The following SPPL2A variants were observed in gnomAD, a reference collection of about 807,000 sequenced individuals.
SPPL2A encodes signal peptide peptidase like 2A.
Under a neutral mutation model 63.8 loss-of-function variants are expected in SPPL2A, and 51 were observed. The ratio of observed to expected loss-of-function variants is 0.80; its 90% CI spans 0.64 to 1.01. SPPL2A has a LOEUF of 1.01. Among genes scored for constraint, SPPL2A ranks in the 50% least tolerant of loss-of-function variants. The probability of loss-of-function intolerance (pLI) is 0.00; values close to 1 mark genes in which losing one functional copy is unlikely to be tolerated. For synonymous variants in SPPL2A, 188 were observed against 205.8 expected (o/e 0.91, Z 0.74); for missense variants, 553 against 622.7 (o/e 0.89, Z 1.19).
At chr15:50,739,533 C>T (rs2062800831) in intron 6 of SPPL2A, 147 bp downstream of exon 6, 2 of 495,798 alleles carry the variant, frequency 4.0e-6, no homozygotes, top group Non-Finnish European at 6.8e-6. Context: ...AGACCTAACA[C>T]TCTGATAATT....
At chr15:50,742,529 T>C (rs960662821) in intron 5 of SPPL2A, among the ~76,000 whole-genome samples, 1 of 152,218 alleles carries the variant, frequency 6.6e-6, no homozygotes, top group South Asian at 2.1e-4. Context: ...ACATTTTCCC[T>C]TCCCTAAGCC....
At chr15:50,722,737 G>A (rs1213391304) in intron 12 of SPPL2A, among the ~76,000 whole-genome samples, 1 of 152,150 alleles carries the variant, frequency 6.6e-6, no homozygotes, top group Non-Finnish European at 1.5e-5. Flanking sequence ...TTACAGGCAT[G>A]AGCCACCAAG....
At chr15:50,707,999 T>G in intron 14 of SPPL2A, 125 bp from the exon 15 acceptor site, 1 of 647,742 alleles carries the variant, frequency 1.5e-6, no homozygotes, top group Non-Finnish European at 2.8e-6. Context: ...GCACTCCTTC[T>G]GGAGCACTGT....
chr15:50,760,154 C>T (rs1323018649), intron 1 of SPPL2A, among the ~76,000 whole-genome samples: 3 of 152,102 alleles, frequency 2.0e-5, no homozygotes, highest in Non-Finnish European at 4.4e-5. Context: ...GGATCAGGTG[C>T]CAGTTGGGCC....
At chr15:50,716,948 G>A (rs1291959519) in intron 14 of SPPL2A, among the ~76,000 whole-genome samples, 1 of 152,138 alleles carries the variant, frequency 6.6e-6, no homozygotes, top group Non-Finnish European at 1.5e-5. Context: ...CTTCTGAAAT[G>A]TTCAAGACTG....
intron 14 of SPPL2A, among the ~76,000 whole-genome samples, chr15:50,718,593 C>G (rs2062618805): frequency 6.6e-6 from 1 of 152,062 alleles, no homozygotes; most frequent in African/African-American, 2.4e-5. Flanking sequence ...TAAACTAATT[C>G]TATGTATAAC....
At chr15:50,715,000 G>A (rs2062590440) in intron 14 of SPPL2A, among the ~76,000 whole-genome samples, 1 of 149,728 alleles carries the variant, frequency 6.7e-6, no homozygotes, top group Non-Finnish European at 1.5e-5. Context: ...TTTTTTTGGT[G>A]TTTTTTTTTG....
chr15:50,705,389 A>C lies in SPPL2A; in HGVS notation c.*2411T>G, dbSNP rs781199578. 6.6e-6 allele frequency: 1 copy of C among 152,178 alleles called. No individual in the cohort carries two copies. The highest frequency in any genetic ancestry group is 1.5e-5 in the Non-Finnish European group (1 of 68,040). The allele number at this position is 152,178 out of a possible 1,614,324, so 9.4% of individuals were successfully genotyped here. Reference sequence around the variant, plus strand: ...TATCTCATTTCGATGTAGTAAAAAAAAAATTTTCTTTAACATTCTTCATAA... The same window carrying C: ...TATCTCATTTCGATGTAGTAAAAAACAAATTTTCTTTAACATTCTTCATAA... On this transcript the variant is annotated 3_prime_UTR_variant, in exon 15 of 15. Coordinates refer to ENST00000261854, the MANE Select transcript of SPPL2A (RefSeq NM_032802.4).
At chr15:50,747,920 T>C (rs1272698825) in intron 4 of SPPL2A, 193 bp downstream of exon 4, 2 of 459,600 alleles carry the variant, frequency 4.4e-6, no homozygotes, top group Non-Finnish European at 3.9e-6. Context: ...ACAAACATCC[T>C]TTCTAAAGTT....
Position 50,747,474 on chromosome 15 carries a change from G to A in SPPL2A, c.584+21C>T, listed in dbSNP as rs529693025. The stretch of plus-strand genomic sequence containing the variant: ...ATTTTTAACCATTTATTACAAAAAC[G>A]CTTAAGTTAATTAAACTTACAATTC... On this transcript the variant is annotated intron_variant, in intron 5 of 14. Coordinates refer to ENST00000261854, the MANE Select transcript of SPPL2A (RefSeq NM_032802.4). 12 of 1,578,916 alleles carry A rather than the reference G, an allele frequency of 7.6e-6. No homozygotes were observed. In the Admixed American group the frequency reaches 7.8e-5, roughly 10 times the overall value.
At position 50,739,824 on chromosome 15, in the gene SPPL2A, T is replaced by C; in HGVS notation, c.589A>G (p.Asn197Asp). 3.8e-6 allele frequency: 6 copies of C among 1,599,164 alleles called. No individual in the cohort carries two copies. The highest frequency in any genetic ancestry group is 5.1e-6 in the Non-Finnish European group (6 of 1,176,246). ...TCTTCAGTTGTCACTGCTTTCAAGT[T>C]TTCCCTGTACAAACACACAGGAACT... ...GYWSGLVELE[N>D]LKAVTTEDRE... Residue 197 changes from asparagine to aspartate, a missense_variant, in exon 6 of 15, where the codon AAC becomes GAC. Physicochemically the swap from Asn to Asp is conservative, Grantham distance 23. Coordinates refer to ENST00000261854, the MANE Select transcript of SPPL2A (RefSeq NM_032802.4).
intron 1 of SPPL2A, among the ~76,000 whole-genome samples, chr15:50,757,016 C>T (rs182439748): frequency 6.0e-4 from 92 of 152,218 alleles, no homozygotes; most frequent in African/African-American, 2.1e-3. Flanking sequence ...TTCTACAATA[C>T]TGGCATGGGT....
chr15:50,724,395 T>C (rs527834217), intron 12 of SPPL2A, among the ~76,000 whole-genome samples: 1 of 152,078 alleles, frequency 6.6e-6, no homozygotes, highest in South Asian at 2.1e-4. Context: ...GCTAACACGG[T>C]GAAACCCAGT....
chr15:50,706,246 C>T lies in SPPL2A; in HGVS notation c.*1554G>A, dbSNP rs1270628146. 4.0e-5 allele frequency: 6 copies of T among 151,260 alleles called. No individual in the cohort carries two copies. The highest frequency in any genetic ancestry group is 7.4e-5 in the Non-Finnish European group (5 of 67,796). The allele number at this position is 151,260 out of a possible 1,614,324, so 9.4% of individuals were successfully genotyped here. Reference sequence around the variant, plus strand: ...CTCTACTAAAACTACAAAAAATAGCCGGGCGTAGTGGCGGGCGCCTGTAGT... The same window carrying T: ...CTCTACTAAAACTACAAAAAATAGCTGGGCGTAGTGGCGGGCGCCTGTAGT... On this transcript the variant is annotated 3_prime_UTR_variant, in exon 15 of 15. Transcript: ENST00000261854.
At chr15:50,736,590 T>C (rs1402536026) in intron 7 of SPPL2A, 54 bp downstream of exon 7, 1 of 1,028,558 alleles carries the variant, frequency 9.7e-7, no homozygotes, top group Non-Finnish European at 1.5e-6. Context: ...TACTTTTGTA[T>C]TGTTTCAAAT....
At chr15:50,752,712 C>T (rs2062920026) in intron 1 of SPPL2A, among the ~76,000 whole-genome samples, 1 of 147,802 alleles carries the variant, frequency 6.8e-6, no homozygotes, top group African/African-American at 2.5e-5. Flanking sequence ...AGCAAGACTC[C>T]ATCTGAAAAA....
chr15:50,748,149 T>C lies in SPPL2A; in HGVS notation c.414A>G (p.Ala138=). The change falls in exon 4 of 15, where the codon GCA becomes GCG. Residue 138 remains alanine, a synonymous_variant. Transcript: ENST00000261854. ...SEFPDVKILI[A]FISYKDFRDM... ...CTCTAAAGTCTTTGTAGCTTATAAA[T>C]GCAATCAGTATTTTCACATCAGGAA... 1 of 1,511,870 alleles carries C rather than the reference T, an allele frequency of 6.6e-7. No individual in the cohort carries two copies. Among genetic ancestry groups the C allele is most frequent in the Non-Finnish European group, 8.9e-7 (1 of 1,128,622 alleles). 93.7% of individuals were successfully genotyped at this position (1,511,870 alleles called of 1,614,324 possible).
chr15:50,750,351 A>T (rs1276403386), intron 1 of SPPL2A, among the ~76,000 whole-genome samples: 1 of 152,092 alleles, frequency 6.6e-6, no homozygotes, highest in Non-Finnish European at 1.5e-5. Flanking sequence ...AACTGCTGGG[A>T]TTATAGGTGT....
At chr15:50,749,428 C>G (rs561611605) in intron 2 of SPPL2A, among the ~76,000 whole-genome samples, 1 of 152,154 alleles carries the variant, frequency 6.6e-6, no homozygotes, top group Non-Finnish European at 1.5e-5. Flanking sequence ...GCTGGGACTA[C>G]AGGCGCCTGC....
Sources: allele counts gnomAD v4.1 joint callset (sites outside exome capture counted in the v4.1 genomes callset), GRCh38; gene constraint gnomAD v4.1.1; transcripts MANE v1.5; gene names NCBI Gene and HGNC (gene_info 2026-07-23, HGNC 2026-07-21).